CHRNB4: variants seen among roughly 807,000 people sequenced by gnomAD.
CHRNB4 encodes the protein neuronal acetylcholine receptor subunit beta-4.
In CHRNB4, 23 loss-of-function variants were observed where a neutral mutation model predicts 40.4. The ratio of observed to expected loss-of-function variants is 0.57; its 90% CI spans 0.41 to 0.81. The LOEUF (loss-of-function observed/expected upper bound fraction) is 0.81, where lower values mean the gene tolerates loss of function less well. Ranked by LOEUF, CHRNB4 falls within the 30% of genes least tolerant of loss-of-function variation. The pLI is 0.00. For synonymous variants in CHRNB4, 285 were observed against 274.4 expected (o/e 1.04, Z -0.38); for missense variants, 568 against 670.6 (o/e 0.85, Z 1.69).
At chr15:78,634,666 G>T (rs2053908464) in intron 2 of CHRNB4, 4 of 455,132 alleles carry the variant, frequency 8.8e-6, no homozygotes, top group Non-Finnish European at 1.8e-5. Flanking sequence ...CTTTCCCCTG[G>T]CTGGACACAG....
rs754822067 is a variant in CHRNB4 at position 78,629,109 on chromosome 15, G to A, written c.1196C>T (p.Ser399Phe). The change falls in exon 5 of 6, where the codon TCT becomes TTT. Residue 399 changes from serine to phenylalanine, a missense_variant. Ser to Phe is a radical substitution (Grantham distance 155, BLOSUM62 -2). This residue lies in a region of CHRNB4 where 242 missense variants were observed against 274.9 expected (regional missense o/e 0.88). Transcript: ENST00000261751. This position sits in a 1 kb window ranked among gnomAD's most constrained non-coding sequence, Gnocchi z 6.8. ...FVNPASAASK[S>F]PAGSTPVAIP... The stretch of plus-strand genomic sequence containing the variant: ...AGCCACCGGGGTAGAGCCGGCTGGA[G>A]ACTTGGAAGCTGCAGAGGCGGGGTT... 9 of 1,614,206 alleles carry A rather than the reference G, an allele frequency of 5.6e-6. No individual in the cohort carries two copies. Among genetic ancestry groups the A allele is most frequent in the Non-Finnish European group, 6.8e-6 (8 of 1,180,038 alleles).
chr15:78,658,639 T>C (rs1327085664), intron 1 of CHRNB4, among the ~76,000 whole-genome samples: 2 of 152,180 alleles, frequency 1.3e-5, no homozygotes, highest in African/African-American at 4.8e-5. Context: ...ACAGATTTCA[T>C]TTCATCTTCT....
At chr15:78,639,345 G>T (rs925483603) in intron 1 of CHRNB4, among the ~76,000 whole-genome samples, 1 of 152,136 alleles carries the variant, frequency 6.6e-6, no homozygotes, top group African/African-American at 2.4e-5. Flanking sequence ...GCCCAGGCTG[G>T]AGTGCAGTGG....
At chr15:78,646,005 A>G (rs556351448), upstream of CHRNB4, among the ~76,000 whole-genome samples, 1 of 150,994 alleles carries the variant, frequency 6.6e-6, no homozygotes, top group South Asian at 2.1e-4. Flanking sequence ...GATTGCAGTG[A>G]GCCAAGATTG....
At chr15:78,648,678 G>A (rs572645457) in intron 7 of CHRNB4, among the ~76,000 whole-genome samples, 8 of 150,382 alleles carry the variant, frequency 5.3e-5, no homozygotes, top group South Asian at 2.1e-4. Flanking sequence ...GCTTGAACCC[G>A]GGAGGCGGAA....
upstream of CHRNB4, chr15:78,661,322 T>A (rs1377471279): frequency 3.4e-6 from 2 of 583,494 alleles, no homozygotes; most frequent in Non-Finnish European, 6.7e-6. Context: ...CACCTTCAGG[T>A]TGAGAACCTC....
chr15:78,636,918 G>A lies in CHRNB4; in HGVS notation c.56-1331C>T, dbSNP rs1321431243. ...ACACCAGAGCACTTACAGTGCAGGGGAGCAGCCCCATTACTCACATGTGAG... is the reference window on the plus strand; with the variant it reads ...ACACCAGAGCACTTACAGTGCAGGGAAGCAGCCCCATTACTCACATGTGAG... On this transcript the variant is annotated intron_variant, in intron 1 of 5. Transcript: ENST00000261751. Among the ~76,000 whole-genome samples, 3 of 152,222 alleles carry A rather than the reference G, an allele frequency of 2.0e-5. No homozygotes were observed. In the East Asian group the frequency reaches 5.8e-4, roughly 29 times the overall value.
At chr15:78,639,486 G>C (rs2054026394) in intron 1 of CHRNB4, among the ~76,000 whole-genome samples, 1 of 152,084 alleles carries the variant, frequency 6.6e-6, no homozygotes, top group Admixed American at 6.6e-5. Context: ...TTTTAGTAGA[G>C]ACGGGGTTTC....
At chr15:78,646,944 C>A (rs1245905009) in intron 7 of CHRNB4, among the ~76,000 whole-genome samples, 1 of 151,908 alleles carries the variant, frequency 6.6e-6, no homozygotes, top group African/African-American at 2.4e-5. Flanking sequence ...AGTTCCAGAC[C>A]AGCCTGGGTG....
intron 7 of CHRNB4, among the ~76,000 whole-genome samples, chr15:78,647,211 A>C (rs1390074172): frequency 6.6e-6 from 1 of 152,224 alleles, no homozygotes; most frequent in East Asian, 1.9e-4. Flanking sequence ...AAGTATTTAA[A>C]CTTCTATTCA....
At chr15:78,650,133 T>G (rs2054160279) in intron 6 of CHRNB4, among the ~76,000 whole-genome samples, 1 of 152,224 alleles carries the variant, frequency 6.6e-6, no homozygotes, top group Non-Finnish European at 1.5e-5. Flanking sequence ...AGCTGCAGGC[T>G]GAGCAATTGT....
intron 1 of CHRNB4, among the ~76,000 whole-genome samples, chr15:78,640,109 T>C (rs1025058066): frequency 1.3e-5 from 2 of 152,356 alleles, no homozygotes; most frequent in African/African-American, 2.4e-5. Context: ...ACTCACAGTT[T>C]AGAATTCCAG....
intron 6 of CHRNB4, among the ~76,000 whole-genome samples, chr15:78,651,552 G>C (rs8038335): frequency 0.035 from 5,404 of 152,314 alleles, 356 homozygotes; most frequent in African/African-American, 0.12. Context: ...ACATGTTTCA[G>C]CTTCTCAGAT....
intron 2 of CHRNB4, chr15:78,634,723 G>C (rs922293498): frequency 2.2e-6 from 1 of 455,896 alleles, no homozygotes; most frequent in Non-Finnish European, 4.4e-6. Flanking sequence ...GCTTCTTCCA[G>C]GGACGGAGTT....
chr15:78,644,708 C>T (rs2054108870), upstream of CHRNB4, among the ~76,000 whole-genome samples: 1 of 152,192 alleles, frequency 6.6e-6, no homozygotes, highest in South Asian at 2.1e-4. Context: ...GGACTCAATA[C>T]TATAAACATA....
rs1321880869 is a variant in CHRNB4, at chr15:78,625,220, G to A, written c.1410C>T (p.Cys470=). The change falls in exon 6 of 6, where the codon TGC becomes TGT. Residue 470 remains cysteine (C), a synonymous_variant. Coordinates refer to ENST00000261751, the MANE Select transcript of CHRNB4 (RefSeq NM_000750.5). ...GGAAGAGCCCCACAGTGCCCAGGACGCACACAAACATGAACACCCACAGGA... is the reference window on the plus strand; with the variant it reads ...GGAAGAGCCCCACAGTGCCCAGGACACACACAAACATGAACACCCACAGGA... ...RLFLWVFMFV[C]VLGTVGLFLP... is the part of the protein sequence containing the mutation. 7.5e-6 allele frequency: 12 copies of A among 1,593,926 alleles called. No homozygotes were observed. Among genetic ancestry groups the A allele is most frequent in the East Asian group, 4.5e-5 (2 of 44,656 alleles).
intron 5 of CHRNB4, among the ~76,000 whole-genome samples, chr15:78,653,094 A>G (rs2054186579): frequency 6.6e-6 from 1 of 152,146 alleles, no homozygotes; most frequent in Non-Finnish European, 1.5e-5. Context: ...CAGATAGCAC[A>G]CCACCCCTTC....
chr15:78,640,975 TCCCCCG>T (rs2054059476), intron 1 of CHRNB4, 98 bp downstream of exon 1: 1 of 1,303,248 alleles, frequency 7.7e-7, no homozygotes, highest in Non-Finnish European at 1.1e-6. Flanking sequence ...CTCGGGCCAC[TCCCCCG>T]GGCGCAGGGC....
intron 5 of CHRNB4, chr15:78,655,458 C>CTA (rs2054206346): frequency 1.5e-5 from 1 of 68,828 alleles, no homozygotes; most frequent in African/African-American, 4.3e-5. Flanking sequence ...CTATATATAT[C>CTA]TATATATCTA....
Sources: allele counts gnomAD v4.1 joint callset (sites outside exome capture counted in the v4.1 genomes callset), GRCh38; gene constraint gnomAD v4.1.1; regional missense constraint gnomAD v4.1.1; non-coding constraint Gnocchi (gnomAD v3.1); transcripts MANE v1.5; gene names NCBI Gene and HGNC (gene_info 2026-07-23, HGNC 2026-07-21).